GPC6: variants seen among roughly 807,000 people sequenced by gnomAD.
GPC6 encodes the protein glypican-6.
In GPC6, 14 loss-of-function variants were observed where a neutral mutation model predicts 55.2. That is an observed-to-expected ratio of 0.25 (90% confidence interval 0.17 to 0.40). The LOEUF is 0.40. Among genes scored for constraint, GPC6 ranks in the 10% least tolerant of loss-of-function variants. The pLI is 1.00. For missense variants in GPC6, 641 were observed against 708.5 expected (o/e 0.90, Z 1.08); for synonymous variants, 278 against 259.6 (o/e 1.07, Z -0.68).
intron 6 of GPC6, among the ~76,000 whole-genome samples, chr13:94,375,737 C>T (rs1365418598): frequency 1.6e-5 from 2 of 125,426 alleles, no homozygotes; most frequent in South Asian, 3.1e-4. Context: ...CAGGCAGAGA[C>T]ACAACAAAAA....
chr13:93,867,201 G>C, intron 3 of GPC6, among the ~76,000 whole-genome samples: 1 of 151,602 alleles, frequency 6.6e-6, no homozygotes, highest in Non-Finnish European at 1.5e-5. Flanking sequence ...AAATGTCTTT[G>C]GACAACAGTG....
chr13:93,769,573 T>C (rs1050949320), intron 2 of GPC6, among the ~76,000 whole-genome samples: 1 of 152,214 alleles, frequency 6.6e-6, no homozygotes, highest in African/African-American at 2.4e-5. Flanking sequence ...CCTCTTCTCC[T>C]GATATCCATT....
chr13:93,654,861 G>A (rs1202013430), intron 2 of GPC6, among the ~76,000 whole-genome samples: 6 of 148,466 alleles, frequency 4.0e-5, no homozygotes, highest in African/African-American at 1.5e-4. Context: ...TTTTGAGATG[G>A]AGTCTCGCTT....
chr13:94,331,274 C>T (rs1877402263), intron 6 of GPC6, among the ~76,000 whole-genome samples: 1 of 152,140 alleles, frequency 6.6e-6, no homozygotes, highest in Admixed American at 6.5e-5. Context: ...TAATGCTGTA[C>T]TGACAGTACA....
chr13:94,343,558 C>T (rs901616206), intron 6 of GPC6, among the ~76,000 whole-genome samples: 8 of 152,060 alleles, frequency 5.3e-5, no homozygotes, highest in African/African-American at 1.7e-4. Context: ...AAATGAAAGT[C>T]GAAGAGCATG....
intron 1 of GPC6, among the ~76,000 whole-genome samples, chr13:93,422,641 A>G (rs1876964011): frequency 6.6e-6 from 1 of 152,196 alleles, no homozygotes; most frequent in Non-Finnish European, 1.5e-5. Context: ...ATGTATGCCA[A>G]TATTTGCTCA....
chr13:93,567,605 G>A (rs1449335348), intron 2 of GPC6, among the ~76,000 whole-genome samples: 2 of 151,920 alleles, frequency 1.3e-5, no homozygotes, highest in African/African-American at 4.8e-5. Context: ...TTACAGGTGT[G>A]AGCCTCTGCA....
chr13:93,222,621 A>C (rs751906896), upstream of GPC6, among the ~76,000 whole-genome samples: 78 of 152,156 alleles, frequency 5.1e-4, 2 homozygotes, highest in Admixed American at 4.6e-4. Flanking sequence ...TTTATGTTTG[A>C]AAATCTCCTC....
intron 8 of GPC6, among the ~76,000 whole-genome samples, chr13:94,401,871 G>A (rs2139232511): frequency 6.6e-6 from 1 of 152,244 alleles, no homozygotes; most frequent in South Asian, 2.1e-4. Context: ...GTTTGGGGCT[G>A]CAGTGAGTTA....
At chr13:94,326,242 C>T (rs547425225) in intron 6 of GPC6, among the ~76,000 whole-genome samples, 9 of 149,490 alleles carry the variant, frequency 6.0e-5, no homozygotes, top group Non-Finnish European at 1.0e-4. Flanking sequence ...CACACAGGCA[C>T]ATATATTCCA....
chr13:93,336,894 C>T (rs969489905), intron 1 of GPC6, among the ~76,000 whole-genome samples: 1 of 152,124 alleles, frequency 6.6e-6, no homozygotes, highest in Non-Finnish European at 1.5e-5. Context: ...TCTTTCATTG[C>T]CTGTTAACAA....
chr13:94,170,676 A>T (rs1018034198), intron 4 of GPC6, among the ~76,000 whole-genome samples: 3 of 152,238 alleles, frequency 2.0e-5, no homozygotes, highest in Admixed American at 6.5e-5. Flanking sequence ...TTTGAAACTC[A>T]TGGAAAATGC....
intron 2 of GPC6, among the ~76,000 whole-genome samples, chr13:93,816,201 A>T (rs140313293): frequency 9.1e-4 from 138 of 152,188 alleles, no homozygotes; most frequent in African/African-American, 3.0e-3. Flanking sequence ...TCCTGATTAC[A>T]TCAATTTGGG....
At chr13:93,941,516 G>T (rs1483638509) in intron 3 of GPC6, among the ~76,000 whole-genome samples, 1 of 152,188 alleles carries the variant, frequency 6.6e-6, no homozygotes, top group Non-Finnish European at 1.5e-5. Flanking sequence ...AGTACGTACT[G>T]CTCCCAAGAT....
intron 2 of GPC6, among the ~76,000 whole-genome samples, chr13:93,661,765 A>G (rs1292265409): frequency 3.9e-5 from 6 of 152,238 alleles, no homozygotes; most frequent in Non-Finnish European, 8.8e-5. Context: ...TCAAGGATTT[A>G]TGAGGCAGGG....
intron 2 of GPC6, among the ~76,000 whole-genome samples, chr13:93,683,221 T>C (rs1275142045): frequency 6.6e-6 from 1 of 152,092 alleles, no homozygotes; most frequent in African/African-American, 2.4e-5. Flanking sequence ...TACCACCCCA[T>C]ACAAAGATCA....
chr13:94,114,292 G>A (rs751561128), intron 4 of GPC6, among the ~76,000 whole-genome samples: 5 of 152,132 alleles, frequency 3.3e-5, no homozygotes, highest in African/African-American at 4.8e-5. Flanking sequence ...AAACTCCAAG[G>A]ACAAAAAGAT....
chr13:93,706,518 C>T (rs1882854260), intron 2 of GPC6, among the ~76,000 whole-genome samples: 1 of 151,882 alleles, frequency 6.6e-6, no homozygotes, highest in African/African-American at 2.4e-5. Flanking sequence ...GAAATCTTGA[C>T]AGATTCTCCT....
intron 1 of GPC6, among the ~76,000 whole-genome samples, chr13:93,412,665 A>G (rs1294119966): frequency 3.3e-5 from 5 of 152,162 alleles, no homozygotes; most frequent in Admixed American, 2.0e-4. Flanking sequence ...TCAAAAACAA[A>G]CAAACAAATA....
Sources: gnomAD v4.1 joint callset for allele counts (sites outside exome capture counted in the v4.1 genomes callset) on GRCh38, gnomAD v4.1.1 for gene constraint, MANE v1.5 for transcripts, NCBI Gene and HGNC (gene_info 2026-07-23, HGNC 2026-07-21) for gene names.